SPATA22: variants seen among roughly 807,000 people sequenced by gnomAD.
SPATA22 encodes the protein spermatogenesis associated 22.
In SPATA22, 29 loss-of-function variants were observed where a neutral mutation model predicts 47.8. The observed-to-expected ratio is 0.61, with a 90% CI of 0.45 to 0.83. The LOEUF is 0.83. SPATA22 is among the 40% of genes least tolerant of loss of function. The probability of loss-of-function intolerance (pLI) is 0.00; values close to 1 mark genes in which losing one functional copy is unlikely to be tolerated. For missense variants in SPATA22, 410 were observed against 421.7 expected, an observed-to-expected ratio of 0.97 and a Z score of 0.24; for synonymous variants, 133 against 140.9, an observed-to-expected ratio of 0.94 and a Z score of 0.40.
rs104894552 is a variant in SPATA22 at position 3,498,892 on chromosome 17, A to T, written c.-74+14520T>A. ...TTTATTTTGATTGTTTCCTGAGAGG[A>T]TCAAGACTGGAAACCACTGCATCCT... On this transcript the variant is annotated intron_variant, in intron 1 of 8. Coordinates refer to the SPATA22 transcript ENST00000541913. 29 of 1,576,364 alleles carry T rather than the reference A, an allele frequency of 1.8e-5. No individual in the cohort carries two copies. Among genetic ancestry groups the T allele is most frequent in the Non-Finnish European group, 1.8e-5 (21 of 1,162,938 alleles).
Position 3,494,414 on chromosome 17 carries a change from G to C in SPATA22, c.-74+18998C>G, listed in dbSNP as rs1347989264. 51 of 1,612,702 alleles carry C rather than the reference G, an allele frequency of 3.2e-5. No homozygotes were observed. The highest frequency in any genetic ancestry group is 1.6e-4 in the Middle Eastern group (1 of 6,062). On this transcript the variant is annotated intron_variant, in intron 1 of 8. Coordinates refer to the SPATA22 transcript ENST00000541913. Reference sequence around the variant, plus strand: ...TTATAGAGAAAGTTGATTACCCCCGGGATGAAAATGGAGAAATTGCTGCTA... The same window carrying C: ...TTATAGAGAAAGTTGATTACCCCCGCGATGAAAATGGAGAAATTGCTGCTA...
At chr17:3,504,026 G>C (rs2150768373) in intron 1 of SPATA22, among the ~76,000 whole-genome samples, 1 of 152,140 alleles carries the variant, frequency 6.6e-6, no homozygotes, top group East Asian at 1.9e-4. Context: ...CTCCACTCCA[G>C]TGTCCTTCCC....
chr17:3,483,854 A>G (rs2073675923), intron 1 of SPATA22, among the ~76,000 whole-genome samples: 1 of 151,748 alleles, frequency 6.6e-6, no homozygotes, highest in South Asian at 2.1e-4. Flanking sequence ...ACGGAGTTTC[A>G]CCATGTTAGC....
intron 1 of SPATA22, among the ~76,000 whole-genome samples, chr17:3,496,426 A>G (rs1360513950): frequency 6.6e-6 from 1 of 152,242 alleles, no homozygotes. Context: ...GTGCCATCTC[A>G]GAGATGGTGG....
At chr17:3,476,069 C>G, upstream of SPATA22, 2 of 1,221,296 alleles carry the variant, frequency 1.6e-6, no homozygotes, top group Non-Finnish European at 2.4e-6. Flanking sequence ...GGTAAAGTCT[C>G]ATTTACATTT....
chr17:3,501,905 A>G (rs1243344754), intron 1 of SPATA22: 2 of 151,978 alleles, frequency 1.3e-5, no homozygotes, highest in Non-Finnish European at 2.9e-5. Flanking sequence ...GTAAGCCAAG[A>G]CTGCGCCACT....
At chr17:3,499,095 C>T in intron 1 of SPATA22, 2 of 1,612,796 alleles carry the variant, frequency 1.2e-6, no homozygotes, top group Non-Finnish European at 1.7e-6. Flanking sequence ...TTAGAAATCA[C>T]TTCCAGCTTA....
intron 5 of SPATA22, among the ~76,000 whole-genome samples, chr17:3,458,453 T>G (rs1161475671): frequency 6.6e-6 from 1 of 152,166 alleles, no homozygotes; most frequent in Admixed American, 6.5e-5. Context: ...TACTATATAA[T>G]CTAACAATTC....
At chr17:3,443,301 G>A in intron 7 of SPATA22, 30 bp from the exon 8 acceptor site, 1 of 1,483,396 alleles carries the variant, frequency 6.7e-7, no homozygotes, top group East Asian at 2.3e-5. Flanking sequence ...GGGAAAAAAT[G>A]AATGTTGGTA....
intron 5 of SPATA22, among the ~76,000 whole-genome samples, chr17:3,456,936 A>G (rs2073012942): frequency 6.6e-6 from 1 of 151,274 alleles, no homozygotes; most frequent in Non-Finnish European, 1.5e-5. Flanking sequence ...AAACAGAGCC[A>G]AAGACAAAAA....
chr17:3,459,072 A>T (rs1453467278), intron 5 of SPATA22, among the ~76,000 whole-genome samples: 1 of 109,716 alleles, frequency 9.1e-6, no homozygotes, highest in Non-Finnish European at 1.9e-5. Context: ...ATCTTTACAA[A>T]TCAAACTCAT....
At chr17:3,464,770 GCC>G in intron 3 of SPATA22, among the ~76,000 whole-genome samples, 2 of 137,286 alleles carry the variant, frequency 1.5e-5, no homozygotes, top group Non-Finnish European at 3.2e-5. Context: ...GAAGTGAGGA[GCC>G]CCTCCGCCCG....
At chr17:3,506,615 T>C (rs867553204) in intron 1 of SPATA22, among the ~76,000 whole-genome samples, 6 of 152,142 alleles carry the variant, frequency 3.9e-5, no homozygotes, top group Non-Finnish European at 5.9e-5. Context: ...ATAGAGAGCA[T>C]AGAGAGAGGT....
chr17:3,509,011 C>T (rs12450574), intron 1 of SPATA22, among the ~76,000 whole-genome samples: 85,562 of 151,204 alleles, frequency 0.57, 25,713 homozygotes, highest in South Asian at 0.7. Context: ...GGCTGATCGG[C>T]AATAATGATA....
intron 1 of SPATA22, among the ~76,000 whole-genome samples, chr17:3,507,028 G>A (rs907817894): frequency 6.7e-6 from 1 of 149,792 alleles, no homozygotes; most frequent in Non-Finnish European, 1.5e-5. Context: ...AGGAGGGAGT[G>A]GGGAGGCGAA....
chr17:3,489,968 G>C (rs1437757247), intron 1 of SPATA22, among the ~76,000 whole-genome samples: 1 of 152,166 alleles, frequency 6.6e-6, no homozygotes, highest in Non-Finnish European at 1.5e-5. Flanking sequence ...TGTTGGTGGA[G>C]AGTTAAATAA....
At chr17:3,495,729 C>T (rs915372906) in intron 1 of SPATA22, among the ~76,000 whole-genome samples, 2 of 152,068 alleles carry the variant, frequency 1.3e-5, no homozygotes, top group East Asian at 1.9e-4. Context: ...TCACCACACC[C>T]GGCTAACTTT....
rs1279798947 is a variant in SPATA22, at chr17:3,448,893, C to T, written c.586G>A (p.Ala196Thr). 1.2e-6 allele frequency: 2 copies of T among 1,613,920 alleles called. No homozygotes were observed. Among genetic ancestry groups the T allele is most frequent in the South Asian group, 1.1e-5 (1 of 91,064 alleles). ...AAATTGGGCTTAAGTGTCTGTAGTGCACTGTTTTTGTCTAGCCCTCTCATT... is the reference window on the plus strand; with the variant it reads ...AAATTGGGCTTAAGTGTCTGTAGTGTACTGTTTTTGTCTAGCCCTCTCATT... ...CTMRGLDKNS[A>T]LQTLKPNFQQ... The change falls in exon 6 of 9, where the codon GCA (alanine) becomes ACA (threonine). Residue 196 changes from alanine (A) to threonine (T), a missense_variant. By Grantham distance (58) the Ala-to-Thr change is moderately conservative. Transcript: ENST00000572969.
intron 5 of SPATA22, among the ~76,000 whole-genome samples, chr17:3,454,751 A>G (rs1329738125): frequency 1.3e-5 from 2 of 152,062 alleles, no homozygotes; most frequent in Non-Finnish European, 2.9e-5. Context: ...ATAGTGCCGC[A>G]ATAAACATGC....
Sources: allele counts gnomAD v4.1 joint callset (sites outside exome capture counted in the v4.1 genomes callset), GRCh38; gene constraint gnomAD v4.1.1; transcripts MANE v1.5; gene names NCBI Gene and HGNC (gene_info 2026-07-23, HGNC 2026-07-21).